SHANK2: variants seen among roughly 807,000 people sequenced by gnomAD.
The protein encoded by SHANK2 is SH3 and multiple ankyrin repeat domains 2.
SHANK2 carries 43 observed loss-of-function variants against 133.7 expected under a neutral mutation model. The observed-to-expected ratio is 0.32, with a 90% CI of 0.25 to 0.41. SHANK2 has a LOEUF of 0.41. Ranked by LOEUF, SHANK2 falls within the 10% of genes least tolerant of loss-of-function variation. The pLI is 1.00. For synonymous variants in SHANK2, 1,017 were observed against 952.8 expected, an observed-to-expected ratio of 1.07 and a Z score of -1.24; for missense variants, 1,994 against 2,235.8, an observed-to-expected ratio of 0.89 and a Z score of 2.18.
intron 6 of SHANK2, among the ~76,000 whole-genome samples, chr11:71,105,253 C>A (rs1555097553): frequency 6.6e-6 from 1 of 152,132 alleles, no homozygotes; most frequent in African/African-American, 2.4e-5. Flanking sequence ...TTTTAAGATT[C>A]CAGCTCTAGA....
intron 17 of SHANK2, among the ~76,000 whole-genome samples, chr11:70,623,603 C>T (rs1276642822): frequency 4.6e-5 from 7 of 152,160 alleles, no homozygotes; most frequent in African/African-American, 1.7e-4. Context: ...TCCTTCATTT[C>T]CCAGATGGAA....
chr11:71,135,482 GTTTTTTTTTTTT>G (rs71949830), intron 3 of SHANK2, among the ~76,000 whole-genome samples: 1 of 115,710 alleles, frequency 8.6e-6, no homozygotes, highest in Non-Finnish European at 1.8e-5. Context: ...GGGGGGATAT[GTTTTTTTTTTTT>G]TTTTTTTTTG....
intron 14 of SHANK2, among the ~76,000 whole-genome samples, chr11:70,747,044 C>G: frequency 6.6e-6 from 1 of 150,632 alleles, no homozygotes; most frequent in African/African-American, 2.4e-5. Flanking sequence ...CCCCTCCCTC[C>G]ACCCCTGCAC....
At chr11:70,921,499 G>A (rs1950351137) in intron 10 of SHANK2, among the ~76,000 whole-genome samples, 2 of 152,240 alleles carry the variant, frequency 1.3e-5, no homozygotes, top group Admixed American at 1.3e-4. Flanking sequence ...CTAGAGGAAG[G>A]AGTAGAAAAA....
chr11:70,567,376 C>T (rs2136158376), intron 17 of SHANK2, among the ~76,000 whole-genome samples: 1 of 152,260 alleles, frequency 6.6e-6, no homozygotes. Context: ...TGCCTATAAT[C>T]CTAGCACTTT....
chr11:70,490,534 G>A, intron 22 of SHANK2, 147 bp from the exon 23 acceptor site: 5 of 722,362 alleles, frequency 6.9e-6, no homozygotes, highest in Non-Finnish European at 1.3e-5. Flanking sequence ...TGGGGCTGAT[G>A]AGAACCACAG....
chr11:70,669,816 T>C (rs1307249357), intron 15 of SHANK2, among the ~76,000 whole-genome samples: 4 of 152,242 alleles, frequency 2.6e-5, no homozygotes, highest in Admixed American at 1.3e-4. Context: ...GGAGGGCAGG[T>C]GTTCCCACCT....
Position 71,081,807 on chromosome 11 carries a change from C to T in SHANK2, c.913-6532G>A, listed in dbSNP as rs905858068. On this transcript the variant is annotated intron_variant, in intron 8 of 25. Coordinates refer to ENST00000601538, the MANE Select transcript of SHANK2 (RefSeq NM_012309.5). ...CCCCTGAAAGCACAGCTCACTGTTG[C>T]GGCTCCAGACACGGGGGCCACAGAG... Among the ~76,000 whole-genome samples the T allele has an allele frequency of 6.0e-3, 919 of 152,310 alleles. 9 individuals carry two copies. Among genetic ancestry groups the T allele is most frequent in the South Asian group, 0.023 (112 of 4,826 alleles).
chr11:71,085,559 TTA>T (rs878977133), intron 8 of SHANK2, among the ~76,000 whole-genome samples: 12,621 of 88,196 alleles, frequency 0.14, 950 homozygotes, highest in South Asian at 0.18. Flanking sequence ...ACATATTATA[TTA>T]TATAAAATAT....
At chr11:70,618,619 G>C (rs1011981625) in intron 17 of SHANK2, among the ~76,000 whole-genome samples, 2 of 152,140 alleles carry the variant, frequency 1.3e-5, no homozygotes, top group African/African-American at 4.8e-5. Flanking sequence ...GCAGAATTAC[G>C]AGGCATTTCA....
rs115953604 is a variant in SHANK2, at chr11:70,477,094, C to A, written c.4980-3655G>T. ...GCTCTGCAAACACCTCGGTGGGCAG[C>A]GGGAGCGCGAGAGTGGCACACACGG... On this transcript the variant is annotated intron_variant, in intron 25 of 25. Transcript: ENST00000601538. Among the ~76,000 whole-genome samples, 1,268 of 152,282 alleles carry A rather than the reference C, an allele frequency of 8.3e-3. 18 individuals are homozygous for A. The highest frequency in any genetic ancestry group is 0.029 in the African/African-American group (1,220 of 41,536).
Position 71,175,570 on chromosome 11 carries a change from G to A in SHANK2, c.-12-28232C>T, listed in dbSNP as rs1264514704. Reference sequence around the variant, plus strand: ...GGAGAGGGAGAGAGAGAGAGAGAGAGAGAGAGAGAGAGAGAGAGAGAGAGA... The same window carrying A: ...GGAGAGGGAGAGAGAGAGAGAGAGAAAGAGAGAGAGAGAGAGAGAGAGAGA... On this transcript the variant is annotated intron_variant, in intron 2 of 25. Coordinates refer to ENST00000601538, the MANE Select transcript of SHANK2 (RefSeq NM_012309.5). The surrounding 1 kb of genome is among the most constrained non-coding windows in gnomAD (Gnocchi z 4.2). Among the ~76,000 whole-genome samples, 1 of 134,562 alleles carries A rather than the reference G, an allele frequency of 7.4e-6. No homozygotes were observed. Among genetic ancestry groups the A allele is most frequent in the Admixed American group, 7.1e-5 (1 of 14,130 alleles). 88.3% of individuals were successfully genotyped at this position (134,562 alleles called of 152,430 possible).
chr11:70,558,566 G>C (rs192060333), intron 17 of SHANK2, among the ~76,000 whole-genome samples: 1 of 152,198 alleles, frequency 6.6e-6, no homozygotes, highest in Non-Finnish European at 1.5e-5. Flanking sequence ...CAGTTTCCTC[G>C]TCTGTAACAC....
intron 17 of SHANK2, among the ~76,000 whole-genome samples, chr11:70,613,760 C>CTTTTTT (rs1443708855): frequency 5.2e-3 from 106 of 20,354 alleles, no homozygotes; most frequent in Admixed American, 9.0e-3. Context: ...AAGAGGGGAA[C>CTTTTTT]TTGTTTTTTT....
chr11:71,186,187 C>G (rs2135562478), intron 2 of SHANK2, among the ~76,000 whole-genome samples: 1 of 152,340 alleles, frequency 6.6e-6, no homozygotes, highest in South Asian at 2.1e-4. Context: ...AGAAACCTGT[C>G]AGAAAGCACA....
At chr11:70,914,091 G>A (rs1950234174) in intron 10 of SHANK2, among the ~76,000 whole-genome samples, 1 of 152,124 alleles carries the variant, frequency 6.6e-6, no homozygotes, top group South Asian at 2.1e-4. Flanking sequence ...GAGTTGTCGG[G>A]CCCTCAAAGC....
chr11:70,895,551 G>T (rs1200458360), intron 11 of SHANK2: 1 of 152,550 alleles, frequency 6.6e-6, no homozygotes, highest in Non-Finnish European at 1.5e-5. Context: ...CTCTCCTCCT[G>T]GTTGGCACAA....
intron 2 of SHANK2, among the ~76,000 whole-genome samples, chr11:71,154,968 C>T (rs111796834): frequency 5.8e-5 from 7 of 121,596 alleles, no homozygotes; most frequent in Admixed American, 8.1e-5. Context: ...CCCCCGCCCA[C>T]GCTCCCAGAA....
Position 70,730,224 on chromosome 11 carries a change from C to T in SHANK2, c.1778-31461G>A, listed in dbSNP as rs1277530651. ...GGTGAATCTCCTTCTGTGGAGTTCC[C>T]CGAGCTCTTTGAAGCAGGATGTGTA... is the stretch of plus-strand genomic sequence containing the variant. On this transcript the variant is annotated intron_variant, in intron 14 of 25. Transcript: ENST00000601538. Among the ~76,000 whole-genome samples the T allele has an allele frequency of 2.0e-5, 3 of 152,202 alleles. No homozygotes were observed. In the East Asian group the frequency reaches 5.8e-4, roughly 29 times the overall value.
Sources: gnomAD v4.1 joint callset for allele counts (sites outside exome capture counted in the v4.1 genomes callset) on GRCh38, gnomAD v4.1.1 for gene constraint, Gnocchi (gnomAD v3.1) non-coding constraint, MANE v1.5 for transcripts, NCBI Gene and HGNC (gene_info 2026-07-23, HGNC 2026-07-21) for gene names.